AKAP6: variants seen among roughly 807,000 people sequenced by gnomAD.
AKAP6 encodes A-kinase anchoring protein 6.
A neutral mutation model predicts 188.5 loss-of-function variants in AKAP6; 58 were observed. The observed-to-expected ratio is 0.31, with a 90% CI of 0.25 to 0.38. AKAP6 has a LOEUF of 0.38. Among genes scored for constraint, AKAP6 ranks in the 10% least tolerant of loss-of-function variants. The pLI is 1.00. For synonymous variants in AKAP6, 989 were observed against 998.6 expected, an observed-to-expected ratio of 0.99 and a Z score of 0.18; for missense variants, 2,710 against 2,740.0, an observed-to-expected ratio of 0.99 and a Z score of 0.24.
chr14:32,382,279 A>G (rs1203139148), intron 1 of AKAP6, among the ~76,000 whole-genome samples: 11 of 152,054 alleles, frequency 7.2e-5, no homozygotes. Flanking sequence ...TGAGAGTAAG[A>G]TTTCAGAGGG....
At chr14:32,535,284 T>C in intron 2 of AKAP6, among the ~76,000 whole-genome samples, 1 of 152,206 alleles carries the variant, frequency 6.6e-6, no homozygotes, top group East Asian at 1.9e-4. Context: ...ACCTCTCACC[T>C]TGGCTGACTT....
chr14:32,809,142 T>C (rs910401331), intron 12 of AKAP6, among the ~76,000 whole-genome samples: 3 of 152,182 alleles, frequency 2.0e-5, no homozygotes, highest in African/African-American at 7.2e-5. Context: ...GACATAAAGC[T>C]GAGAAAGCTG....
At chr14:32,795,941 A>T (rs2140070585) in intron 12 of AKAP6, among the ~76,000 whole-genome samples, 1 of 152,360 alleles carries the variant, frequency 6.6e-6, no homozygotes, top group Non-Finnish European at 1.5e-5. Flanking sequence ...CAGTCTCAGG[A>T]TACAAAATCA....
At chr14:32,345,287 T>A (rs1392778545) in intron 1 of AKAP6, among the ~76,000 whole-genome samples, 2 of 152,168 alleles carry the variant, frequency 1.3e-5, no homozygotes, top group Non-Finnish European at 2.9e-5. Flanking sequence ...TAACTTCACA[T>A]TTTTCCCACA....
intron 2 of AKAP6, among the ~76,000 whole-genome samples, chr14:32,459,026 TAAAG>T (rs1457791082): frequency 6.6e-6 from 1 of 152,118 alleles, no homozygotes; most frequent in African/African-American, 2.4e-5. Context: ...ATGTTATTAA[TAAAG>T]GAACACTACT....
chr14:32,735,195 G>T (rs551981580), intron 10 of AKAP6, among the ~76,000 whole-genome samples: 22 of 152,068 alleles, frequency 1.4e-4, no homozygotes, highest in Non-Finnish European at 2.2e-4. Context: ...TTAATTCTCC[G>T]TGTTTGATCT....
At chr14:32,673,670 G>A (rs953401301) in intron 7 of AKAP6, among the ~76,000 whole-genome samples, 2 of 152,282 alleles carry the variant, frequency 1.3e-5, no homozygotes, top group Admixed American at 6.5e-5. Context: ...GGGAGGTGGA[G>A]GTTGCAGTGA....
chr14:32,630,663 G>T (rs1345496271), intron 7 of AKAP6, among the ~76,000 whole-genome samples: 1 of 152,014 alleles, frequency 6.6e-6, no homozygotes, highest in African/African-American at 2.4e-5. Flanking sequence ...GAAATTTGAG[G>T]TAAAGGGTAG....
chr14:32,499,513 T>G (rs915817400), intron 2 of AKAP6, among the ~76,000 whole-genome samples: 2 of 151,914 alleles, frequency 1.3e-5, no homozygotes, highest in Non-Finnish European at 2.9e-5. Context: ...TAGTCTTATG[T>G]AGACAGATCT....
At chr14:32,469,325 C>T (rs1482688030) in intron 2 of AKAP6, among the ~76,000 whole-genome samples, 1 of 152,068 alleles carries the variant, frequency 6.6e-6, no homozygotes, top group African/African-American at 2.4e-5. Flanking sequence ...ACTAGCATTC[C>T]CCCAAGTAAT....
At chr14:32,503,075 A>G (rs900788654) in intron 2 of AKAP6, among the ~76,000 whole-genome samples, 1 of 152,224 alleles carries the variant, frequency 6.6e-6, no homozygotes, top group Non-Finnish European at 1.5e-5. Context: ...AATAGTGCCT[A>G]TTTCATGTGC....
chr14:32,554,543 G>A (rs1464267278), intron 4 of AKAP6, among the ~76,000 whole-genome samples: 1 of 152,128 alleles, frequency 6.6e-6, no homozygotes, highest in South Asian at 2.1e-4. Flanking sequence ...AGCTAACTTG[G>A]TTTTCTCCAT....
rs941232587 is a variant in AKAP6, at chr14:32,832,861, C to T, written c.*3056C>T. 1.3e-5 allele frequency: 2 copies of T among 152,614 alleles called. No homozygotes were observed. The highest frequency in any genetic ancestry group is 2.4e-5 in the African/African-American group (1 of 41,440). 9.5% of individuals were successfully genotyped at this position (152,614 alleles called of 1,614,324 possible). ...CCCAACCACTGTTTCCTCAACTGCC[C>T]TTCATATGTCATGGTTTTCAGATCC... is the stretch of plus-strand genomic sequence containing the variant. On this transcript the variant is annotated 3_prime_UTR_variant, in exon 14 of 14. Coordinates refer to ENST00000280979, the MANE Select transcript of AKAP6 (RefSeq NM_004274.5).
At chr14:32,829,507 G>C (rs1425731186) in intron 13 of AKAP6, among the ~76,000 whole-genome samples, 1 of 139,054 alleles carries the variant, frequency 7.2e-6, no homozygotes, top group Non-Finnish European at 1.7e-5. Context: ...ATATTGGTTT[G>C]AAGCTATTTT....
intron 7 of AKAP6, among the ~76,000 whole-genome samples, chr14:32,677,103 G>C (rs1423127858): frequency 6.6e-6 from 1 of 152,224 alleles, no homozygotes; most frequent in Non-Finnish European, 1.5e-5. Context: ...TGGGATTGCA[G>C]GCATGCATCA....
At position 32,769,037 on chromosome 14, in the gene AKAP6, ATTTTTT is replaced by A. The variant is rs544997334; in HGVS notation, c.3373-4619_3373-4614del. Among the ~76,000 whole-genome samples, 61 of 56,918 alleles carry A rather than the reference ATTTTTT, an allele frequency of 1.1e-3. No individual in the cohort carries two copies. In the East Asian group the frequency reaches 0.028, roughly 26 times the overall value. The allele number at this position is 56,918 out of a possible 152,430, so 37.3% of individuals were successfully genotyped here. A position where few individuals can be genotyped will look rare whatever the true frequency, so the allele number is the denominator to read the frequency against. On this transcript the variant is annotated intron_variant, in intron 11 of 13. Coordinates refer to ENST00000280979, the MANE Select transcript of AKAP6 (RefSeq NM_004274.5). ...ACTAGGGGATGCAGCTGCTCTTTTG[ATTTTTT>A]TTTTTTTTTTTTTTTTTTTTTGAGA... is the stretch of plus-strand genomic sequence containing the variant.
chr14:32,813,389 A>ACCCCCCCCCC (rs112729792), intron 12 of AKAP6, among the ~76,000 whole-genome samples: 1 of 65,338 alleles, frequency 1.5e-5, no homozygotes, highest in Non-Finnish European at 2.8e-5. Context: ...CTCTAACCCT[A>ACCCCCCCCCC]CCCCCCCCCC....
At chr14:32,800,129 CACATATATATACACACATATAT>C (rs1566720749) in intron 12 of AKAP6, among the ~76,000 whole-genome samples, 1 of 140,542 alleles carries the variant, frequency 7.1e-6, no homozygotes, top group African/African-American at 2.7e-5. Flanking sequence ...TATATATACA[CACATATATATACACACATATAT>C]ACATATATAT....
intron 7 of AKAP6, among the ~76,000 whole-genome samples, chr14:32,603,058 G>A (rs1885996049): frequency 6.6e-6 from 1 of 152,166 alleles, no homozygotes; most frequent in Non-Finnish European, 1.5e-5. Flanking sequence ...CAAGAGGTTG[G>A]GCCAGGAGAA....
Sources: allele counts gnomAD v4.1 joint callset (sites outside exome capture counted in the v4.1 genomes callset), GRCh38; gene constraint gnomAD v4.1.1; transcripts MANE v1.5; gene names NCBI Gene and HGNC (gene_info 2026-07-23, HGNC 2026-07-21).